The following IL33 variants were observed in gnomAD, a reference collection of about 807,000 sequenced individuals.
The protein encoded by IL33 is interleukin 33.
IL33 carries 37 observed loss-of-function variants against 27.3 expected under a neutral mutation model. The ratio of observed to expected loss-of-function variants is 1.36; its 90% confidence interval spans 1.04 to 1.78. IL33 has a LOEUF of 1.78. IL33 is among the 40% of genes most tolerant of loss of function. The pLI is 0.00. For missense variants in IL33, 406 were observed against 311.4 expected (o/e 1.30, Z -2.29); for synonymous variants, 132 against 102.9 (o/e 1.28, Z -1.71).
chr9:6,254,552 A>G lies in IL33; in HGVS notation c.611A>G (p.Glu204Gly). ...GCCAACAACAAGGAACACTCTGTGG[A>G]GGTAAAAAAAAAAAATTTATCTATA... ...LHANNKEHSVELHKCEKPLPD... is the reference protein window; with the variant it reads ...LHANNKEHSVGLHKCEKPLPD... The change falls in exon 7 of 8, where the codon GAG becomes GGG. Residue 204 changes from glutamate (E) to glycine (G), a missense_variant and splice_region_variant. Glu to Gly is a moderately conservative substitution (Grantham distance 98). Transcript: ENST00000682010. 2 of 1,553,418 alleles carry G rather than the reference A, an allele frequency of 1.3e-6. No homozygotes were observed. The highest frequency in any genetic ancestry group is 1.2e-5 in the South Asian group (1 of 81,486).
At position 6,256,437 on chromosome 9, in the gene IL33, G is replaced by C; in HGVS notation, c.*269G>C. On this transcript the variant is annotated 3_prime_UTR_variant, in exon 8 of 8. Transcript: ENST00000682010. ...ACGGTCAACATTCTAAAGAGATACA[G>C]TCTGACCTTTACTTTTCTCTAGTTT... 2.1e-6 allele frequency: 1 copy of C among 467,646 alleles called. No individual in the cohort carries two copies. 29.0% of individuals were successfully genotyped at this position (467,646 alleles called of 1,614,324 possible). A position where few individuals can be genotyped will look rare whatever the true frequency, so the allele number is the denominator to read the frequency against.
chr9:6,250,364 A>G, intron 2 of IL33, 110 bp from the exon 3 acceptor site: 2 of 1,261,152 alleles, frequency 1.6e-6, no homozygotes, highest in Non-Finnish European at 2.2e-6. Flanking sequence ...AGGATTTCTG[A>G]TAAGATACTG....
intron 2 of IL33, chr9:6,242,422 T>C (rs1055776050): frequency 1.3e-5 from 2 of 152,226 alleles, no homozygotes; most frequent in African/African-American, 4.8e-5. Flanking sequence ...AAAAATAGAA[T>C]ACAAAAACTG....
chr9:6,235,185 T>G (rs1469077065), intron 1 of IL33, among the ~76,000 whole-genome samples: 1 of 152,128 alleles, frequency 6.6e-6, no homozygotes, highest in Non-Finnish European at 1.5e-5. Flanking sequence ...AGACTGCACG[T>G]GCACACCACC....
In IL33 at chr9:6,257,689, T is replaced by A. The variant is rs142972593; in HGVS notation, c.*1521T>A. On this transcript the variant is annotated 3_prime_UTR_variant, in exon 8 of 8. Transcript: ENST00000682010. ...TTTCTGAAAATACATACTTTTACAT[T>A]TCTACTTTATTGAGACCTATTAGAT... is the stretch of plus-strand genomic sequence containing the variant. 1 of 152,488 alleles carries A rather than the reference T, an allele frequency of 6.6e-6. No homozygotes were observed. Among genetic ancestry groups the A allele is most frequent in the African/African-American group, 2.4e-5 (1 of 41,586 alleles). The allele number at this position is 152,488 out of a possible 1,614,324, so 9.4% of individuals were successfully genotyped here.
chr9:6,218,132 G>C (rs1283926218), intron 1 of IL33, among the ~76,000 whole-genome samples: 1 of 152,122 alleles, frequency 6.6e-6, no homozygotes, highest in Non-Finnish European at 1.5e-5. Flanking sequence ...AAACAGTTAA[G>C]AACTTCTAGC....
At chr9:6,228,392 G>A (rs917418184) in intron 1 of IL33, among the ~76,000 whole-genome samples, 1 of 152,116 alleles carries the variant, frequency 6.6e-6, no homozygotes, top group Non-Finnish European at 1.5e-5. Context: ...ATTTTTACAA[G>A]ATTCAGAATT....
At chr9:6,224,105 A>G (rs1461487812) in intron 1 of IL33, among the ~76,000 whole-genome samples, 1 of 152,094 alleles carries the variant, frequency 6.6e-6, no homozygotes, top group Non-Finnish European at 1.5e-5. Flanking sequence ...TTCTTTCCCT[A>G]TTTATATAAG....
At chr9:6,227,588 C>A (rs1271600883) in intron 1 of IL33, among the ~76,000 whole-genome samples, 1 of 152,054 alleles carries the variant, frequency 6.6e-6, no homozygotes, top group Non-Finnish European at 1.5e-5. Flanking sequence ...GGCTTCCATG[C>A]AATATTCTTT....
chr9:6,251,021 G>A lies in IL33; in HGVS notation c.218-119G>A, dbSNP rs147988352. On this transcript the variant is annotated intron_variant, in intron 3 of 7. Transcript: ENST00000682010. ...TATCAATCCCTTTGGACCATGAAGT[G>A]GCCAAAGCCCTGGAGTCAATCACTA... 895 of 1,332,670 alleles carry A rather than the reference G, an allele frequency of 6.7e-4. 1 individual carries two copies. In the African/African-American group the frequency reaches 0.012, roughly 17 times the overall value. The allele number at this position is 1,332,670 out of a possible 1,614,324, so 82.6% of individuals were successfully genotyped here. A position where few individuals can be genotyped will look rare whatever the true frequency, so the allele number is the denominator to read the frequency against.
intron 2 of IL33, among the ~76,000 whole-genome samples, chr9:6,246,634 T>A (rs1481973141): frequency 6.6e-6 from 1 of 152,230 alleles, no homozygotes; most frequent in Non-Finnish European, 1.5e-5. Flanking sequence ...TCTGCCCTCA[T>A]TAATGGATTA....
Sources: gnomAD v4.1 joint callset for allele counts (sites outside exome capture counted in the v4.1 genomes callset) on GRCh38, gnomAD v4.1.1 for gene constraint, MANE v1.5 for transcripts, NCBI Gene and HGNC (gene_info 2026-07-23, HGNC 2026-07-21) for gene names.